The following MIAT variants were observed in gnomAD, a reference collection of about 807,000 sequenced individuals.
The protein encoded by MIAT is MI related novel mRNA.
At chr22:26,667,332 C>T in intron 5 of MIAT, 1 of 297,462 alleles carries the variant, frequency 3.4e-6, no homozygotes, top group Non-Finnish European at 5.4e-6. Flanking sequence ...GTCCTGGGAG[C>T]AGTGTGTGTG....
downstream of MIAT, chr22:26,673,577 A>G: frequency 2.5e-6 from 1 of 398,760 alleles, no homozygotes. Flanking sequence ...CTGACTAACA[A>G]CAGGTCTAAC....
At chr22:26,657,011 A>T (rs1930478439) in intron 2 of MIAT, among the ~76,000 whole-genome samples, 1 of 152,232 alleles carries the variant, frequency 6.6e-6, no homozygotes, top group Admixed American at 6.5e-5. Flanking sequence ...TATGGGTTCA[A>T]ATCTGGACTC....
intron 2 of MIAT, among the ~76,000 whole-genome samples, chr22:26,651,790 A>T (rs1158324842): frequency 6.6e-6 from 1 of 152,238 alleles, no homozygotes; most frequent in Non-Finnish European, 1.5e-5. Flanking sequence ...AAGCCAGCAC[A>T]AAAGGTCACA....
At chr22:26,663,606 T>C (rs1465878127) in intron 3 of MIAT, 2 of 384,436 alleles carry the variant, frequency 5.2e-6, no homozygotes, top group Non-Finnish European at 9.2e-6. Context: ...TGTGGCCTAG[T>C]GAAAGCTGAG....
intron 3 of MIAT, chr22:26,665,409 T>C: frequency 7.5e-6 from 3 of 398,480 alleles, no homozygotes; most frequent in Non-Finnish European, 1.3e-5. Flanking sequence ...CGGTGTCAGC[T>C]AAAGGTCCCT....
chr22:26,673,803 A>G, downstream of MIAT: 1 of 398,686 alleles, frequency 2.5e-6, no homozygotes, highest in Non-Finnish European at 4.4e-6. Context: ...AGGAGGTGCC[A>G]GGGCTCTGGT....
chr22:26,658,787 G>A, intron 2 of MIAT, among the ~76,000 whole-genome samples: 1 of 152,222 alleles, frequency 6.6e-6, no homozygotes, highest in East Asian at 1.9e-4. Flanking sequence ...CGGGAGGGGA[G>A]GAAGTATGAG....
At chr22:26,666,240 C>T in exon 4 of MIAT, 2 of 398,626 alleles carry the variant, frequency 5.0e-6, no homozygotes, top group Non-Finnish European at 8.8e-6. Flanking sequence ...GCAGATGGTC[C>T]TAGGTCAGGA....
At chr22:26,664,282 T>C (rs1414450494) in intron 3 of MIAT, among the ~76,000 whole-genome samples, 1 of 152,114 alleles carries the variant, frequency 6.6e-6, no homozygotes, top group Non-Finnish European at 1.5e-5. Context: ...GCTGGGACTA[T>C]AGGTGTGAGC....
exon 3 of MIAT, chr22:26,663,394 C>G (rs986960065): frequency 2.5e-6 from 1 of 398,642 alleles, no homozygotes. Flanking sequence ...ACAGGGGTAA[C>G]CAAGGTGATC....
chr22:26,655,025 A>T (rs1213008705), intron 2 of MIAT, among the ~76,000 whole-genome samples: 1 of 152,210 alleles, frequency 6.6e-6, no homozygotes, highest in Non-Finnish European at 1.5e-5. Flanking sequence ...ACATTTTTAA[A>T]AAAGGACTTT....
intron 2 of MIAT, chr22:26,657,473 G>C: frequency 2.5e-6 from 1 of 398,708 alleles, no homozygotes; most frequent in Non-Finnish European, 4.4e-6. Context: ...AATTTCATGG[G>C]CGCTGCAGCA....
downstream of MIAT, chr22:26,673,820 C>T (rs190057624): frequency 4.3e-4 from 172 of 398,624 alleles, 2 homozygotes; most frequent in Admixed American, 4.4e-3. Flanking sequence ...TGGTGTGGAC[C>T]AGGCCTGATG....
At chr22:26,651,491 C>T (rs980082027) in intron 2 of MIAT, among the ~76,000 whole-genome samples, 3 of 152,142 alleles carry the variant, frequency 2.0e-5, no homozygotes, top group Non-Finnish European at 4.4e-5. Context: ...CATAATCCCT[C>T]TGACTAAGGC....
intron 2 of MIAT, among the ~76,000 whole-genome samples, chr22:26,661,933 T>TGG (rs1569220500): frequency 4.4e-4 from 11 of 25,258 alleles, no homozygotes; most frequent in East Asian, 5.3e-3. Flanking sequence ...TATATATATA[T>TGG]ATATATATAT....
At chr22:26,672,442 T>G (rs1393637196), downstream of MIAT, 2 of 399,292 alleles carry the variant, frequency 5.0e-6, no homozygotes, top group South Asian at 2.5e-4. Context: ...TGTGGGAGGC[T>G]GGACTCTGAG....
At chr22:26,662,087 G>C (rs530989335) in intron 2 of MIAT, among the ~76,000 whole-genome samples, 7 of 151,438 alleles carry the variant, frequency 4.6e-5, no homozygotes, top group Non-Finnish European at 8.8e-5. Context: ...CTCCCAAATA[G>C]CCACAGGCAC....
chr22:26,662,683 C>G (rs988133195), intron 2 of MIAT, among the ~76,000 whole-genome samples: 1 of 152,170 alleles, frequency 6.6e-6, no homozygotes, highest in African/African-American at 2.4e-5. Flanking sequence ...TGGGTGCTGG[C>G]TCATCCAAGG....
intron 2 of MIAT, among the ~76,000 whole-genome samples, chr22:26,661,454 T>TA (rs1018349901): frequency 6.6e-6 from 1 of 152,148 alleles, no homozygotes; most frequent in African/African-American, 2.4e-5. Flanking sequence ...GCTGAGCTAT[T>TA]GTATACTCAA....
Sources: allele counts gnomAD v4.1 joint callset (sites outside exome capture counted in the v4.1 genomes callset), GRCh38; gene constraint gnomAD v4.1.1; transcripts MANE v1.5; gene names NCBI Gene and HGNC (gene_info 2026-07-23, HGNC 2026-07-21).